Variants in MGAT4C observed in about 807,000 individuals in gnomAD.
MGAT4C encodes the protein MGAT4 family member C, also known as alpha-1,3-mannosyl-glycoprotein 4-beta-N-acetylglucosaminyltransferase C.
A neutral mutation model predicts 40.1 loss-of-function variants in MGAT4C; 19 were observed. That is an observed-to-expected ratio of 0.47 (90% CI 0.33 to 0.70). The LOEUF is 0.70. Ranked by LOEUF, MGAT4C falls within the 30% of genes least tolerant of loss-of-function variation. MGAT4C has a pLI of 0.02. For missense variants in MGAT4C, 491 were observed against 563.2 expected (o/e 0.87, Z 1.30); for synonymous variants, 181 against 187.1 (o/e 0.97, Z 0.27).
At chr12:86,804,946 A>G (rs761388658) in intron 1 of MGAT4C, among the ~76,000 whole-genome samples, 4 of 152,020 alleles carry the variant, frequency 2.6e-5, no homozygotes, top group Non-Finnish European at 5.9e-5. Flanking sequence ...TAACTGATAC[A>G]TGTATAAACT....
intron 2 of MGAT4C, among the ~76,000 whole-genome samples, chr12:86,626,872 C>A (rs575976049): frequency 2.6e-5 from 4 of 152,198 alleles, no homozygotes; most frequent in African/African-American, 9.6e-5. Context: ...ACTGGTTGGA[C>A]AGTGGGTGCA....
At chr12:86,719,265 T>C (rs571339680) in intron 2 of MGAT4C, among the ~76,000 whole-genome samples, 2 of 152,272 alleles carry the variant, frequency 1.3e-5, no homozygotes, top group South Asian at 4.1e-4. Context: ...ACACTCAGGT[T>C]TGAGGTTTTA....
chr12:86,474,160 G>A (rs1157505768), intron 2 of MGAT4C, among the ~76,000 whole-genome samples: 1 of 151,692 alleles, frequency 6.6e-6, no homozygotes, highest in African/African-American at 2.4e-5. Flanking sequence ...AGAAAATGTG[G>A]CACATATACA....
chr12:86,285,906 CAT>C (rs1412427457), intron 4 of MGAT4C, among the ~76,000 whole-genome samples: 2 of 151,898 alleles, frequency 1.3e-5, no homozygotes, highest in East Asian at 1.9e-4. Context: ...GCTTACAAAA[CAT>C]GAGAAACAGA....
At chr12:86,207,111 CTT>C (rs61602141) in intron 1 of MGAT4C, among the ~76,000 whole-genome samples, 2,306 of 147,918 alleles carry the variant, frequency 0.016, 35 homozygotes, top group South Asian at 0.033. Flanking sequence ...CCTTTTTTTT[CTT>C]TTTTTTTTTT....
At chr12:86,391,854 G>A (rs113496018) in intron 3 of MGAT4C, among the ~76,000 whole-genome samples, 12,009 of 151,800 alleles carry the variant, frequency 0.079, 671 homozygotes, top group Middle Eastern at 0.21. Flanking sequence ...GTGAGAATCC[G>A]TCTCAAAAAA....
intron 2 of MGAT4C, among the ~76,000 whole-genome samples, chr12:86,449,928 C>T (rs966526840): frequency 6.6e-6 from 1 of 152,006 alleles, no homozygotes; most frequent in Non-Finnish European, 1.5e-5. Flanking sequence ...TAATGAAATG[C>T]TTTTGAACTA....
chr12:86,065,555 T>C (rs561574590), intron 1 of MGAT4C, among the ~76,000 whole-genome samples: 180 of 152,280 alleles, frequency 1.2e-3, no homozygotes, highest in African/African-American at 4.1e-3. Context: ...TGATGGAACG[T>C]ATATCAAAAT....
chr12:86,817,021 C>CT (rs967080188), intron 1 of MGAT4C, among the ~76,000 whole-genome samples: 6 of 150,580 alleles, frequency 4.0e-5, no homozygotes, highest in African/African-American at 1.5e-4. Context: ...TCTTATGCCC[C>CT]TTTTTTTCTT....
At chr12:86,408,641 C>T (rs1262084249) in intron 3 of MGAT4C, among the ~76,000 whole-genome samples, 1 of 151,018 alleles carries the variant, frequency 6.6e-6, no homozygotes, top group Non-Finnish European at 1.5e-5. Flanking sequence ...TACACAAATA[C>T]TATTGAAAGA....
At chr12:86,477,756 C>A (rs898202041) in intron 2 of MGAT4C, among the ~76,000 whole-genome samples, 17 of 151,990 alleles carry the variant, frequency 1.1e-4, no homozygotes, top group African/African-American at 4.1e-4. Context: ...TCCCCACACC[C>A]CACAACAGGC....
chr12:86,654,675 A>G (rs1209707007), intron 2 of MGAT4C, among the ~76,000 whole-genome samples: 2 of 151,040 alleles, frequency 1.3e-5, no homozygotes, highest in Non-Finnish European at 2.9e-5. Flanking sequence ...TCAACAAACA[A>G]TGTCATAGTT....
At chr12:86,802,941 G>A (rs1056170736) in intron 1 of MGAT4C, among the ~76,000 whole-genome samples, 6 of 130,398 alleles carry the variant, frequency 4.6e-5, no homozygotes, top group Non-Finnish European at 8.2e-5. Flanking sequence ...AACCAAAAAC[G>A]AGCCTGCATC....
chr12:86,037,788 T>C (rs1891391973), intron 2 of MGAT4C, among the ~76,000 whole-genome samples: 1 of 149,994 alleles, frequency 6.7e-6, no homozygotes, highest in Non-Finnish European at 1.5e-5. Flanking sequence ...TGGAGAGTTC[T>C]GTCGATGTAT....
intron 2 of MGAT4C, among the ~76,000 whole-genome samples, chr12:86,574,260 T>C (rs1023984588): frequency 2.0e-5 from 3 of 151,732 alleles, no homozygotes; most frequent in Non-Finnish European, 4.4e-5. Context: ...AGTTCCATAT[T>C]CAAGTAGGGA....
intron 2 of MGAT4C, among the ~76,000 whole-genome samples, chr12:86,584,521 T>G (rs976917641): frequency 2.0e-5 from 3 of 151,172 alleles, no homozygotes; most frequent in Admixed American, 1.3e-4. Flanking sequence ...GATCCCAGAG[T>G]ATTGACTTAC....
intron 3 of MGAT4C, among the ~76,000 whole-genome samples, chr12:86,434,058 T>G (rs562508805): frequency 6.6e-6 from 1 of 152,176 alleles, no homozygotes; most frequent in South Asian, 2.1e-4. Flanking sequence ...TACTTATAAC[T>G]TTGAAGCCTG....
At chr12:86,557,464 T>C (rs1959664589) in intron 2 of MGAT4C, among the ~76,000 whole-genome samples, 1 of 152,056 alleles carries the variant, frequency 6.6e-6, no homozygotes, top group South Asian at 2.1e-4. Context: ...CCCATGCACA[T>C]TATCTGGGCC....
intron 2 of MGAT4C, among the ~76,000 whole-genome samples, chr12:86,525,169 C>G (rs1251684419): frequency 6.6e-6 from 1 of 152,170 alleles, no homozygotes. Context: ...GTAACTGAAT[C>G]ATGGACGCAG....
Sources: gnomAD v4.1 joint callset for allele counts (sites outside exome capture counted in the v4.1 genomes callset) on GRCh38, gnomAD v4.1.1 for gene constraint, MANE v1.5 for transcripts, NCBI Gene and HGNC (gene_info 2026-07-23, HGNC 2026-07-21) for gene names.